The following KANK1 variants were observed in gnomAD, a reference collection of about 807,000 sequenced individuals.
The protein encoded by KANK1 is KN motif and ankyrin repeat domains 1.
KANK1 carries 109 observed loss-of-function variants against 106.2 expected under a neutral mutation model. That is an observed-to-expected ratio of 1.03 (90% confidence interval 0.88 to 1.20). The LOEUF is 1.20. Among genes scored for constraint, KANK1 ranks in the 50% most tolerant of loss-of-function variants. The probability of loss-of-function intolerance (pLI) is 0.00; values close to 1 mark genes in which losing one functional copy is unlikely to be tolerated. For synonymous variants in KANK1, 873 were observed against 652.2 expected (o/e 1.34, Z -5.16); for missense variants, 2,399 against 1,710.7 (o/e 1.40, Z -7.10).
intron 1 of KANK1, among the ~76,000 whole-genome samples, chr9:563,314 C>A (rs1035586667): frequency 1.3e-5 from 2 of 151,828 alleles, no homozygotes; most frequent in African/African-American, 4.8e-5. Context: ...GTCTATTTTT[C>A]TGTTCTTTGT....
At chr9:701,517 G>C (rs1213814378) in intron 2 of KANK1, among the ~76,000 whole-genome samples, 1 of 152,194 alleles carries the variant, frequency 6.6e-6, no homozygotes, top group African/African-American at 2.4e-5. Context: ...TTATGAGCTA[G>C]ATAATTCTTT....
intron 10 of KANK1, among the ~76,000 whole-genome samples, chr9:744,219 C>T (rs1306739562): frequency 1.3e-5 from 2 of 149,528 alleles, no homozygotes; most frequent in Non-Finnish European, 3.0e-5. Context: ...TTTCTATCCC[C>T]ATCTTCTGCT....
At chr9:727,900 C>A (rs779850777) in intron 3 of KANK1, among the ~76,000 whole-genome samples, 3 of 152,148 alleles carry the variant, frequency 2.0e-5, no homozygotes, top group Non-Finnish European at 4.4e-5. Context: ...ATAGATCCCT[C>A]CTGTCAGCCA....
chr9:734,883 A>C (rs1250475517), intron 7 of KANK1, 48 bp downstream of exon 7: 1 of 1,391,122 alleles, frequency 7.2e-7, no homozygotes, highest in South Asian at 1.2e-5. Flanking sequence ...AAAGTGCATG[A>C]GTGGGTTCAT....
chr9:692,507 CT>C (rs5895860), intron 2 of KANK1, among the ~76,000 whole-genome samples: 120 of 142,266 alleles, frequency 8.4e-4, no homozygotes, highest in Middle Eastern at 3.6e-3. Flanking sequence ...TTTTTTCTTC[CT>C]TTTTTTTTTT....
chr9:507,393 C>T (rs1050523125), intron 1 of KANK1, among the ~76,000 whole-genome samples: 6 of 151,978 alleles, frequency 3.9e-5, no homozygotes, highest in African/African-American at 1.5e-4. Flanking sequence ...ACATATCCCA[C>T]ACCCCCAGCC....
intron 1 of KANK1, among the ~76,000 whole-genome samples, chr9:612,574 A>G (rs1563860323): frequency 6.6e-6 from 1 of 151,600 alleles, no homozygotes; most frequent in Non-Finnish European, 1.5e-5. Context: ...GTTTCATATT[A>G]AAAAAAGTTA....
In KANK1 at chr9:578,516, C is replaced by G. The variant is rs115729352; in HGVS notation, c.-84+73762C>G. On this transcript the variant is annotated intron_variant, in intron 1 of 11. Transcript: ENST00000382297. ...GGGGTGCAGTCCTCTATACAAAAAT[C>G]TTAAAAACTAAATATATCTATTCTA... Among the ~76,000 whole-genome samples, 353 of 151,904 alleles carry G rather than the reference C, an allele frequency of 2.3e-3. 2 individuals are homozygous for G. The highest frequency in any genetic ancestry group is 8.0e-3 in the African/African-American group (333 of 41,412).
At chr9:581,843 C>T (rs1365055724) in intron 1 of KANK1, among the ~76,000 whole-genome samples, 3 of 152,118 alleles carry the variant, frequency 2.0e-5, no homozygotes, top group African/African-American at 4.8e-5. Context: ...TGTCAGCATC[C>T]AGCCATCCTC....
At chr9:632,855 A>G (rs10975510) in intron 1 of KANK1, among the ~76,000 whole-genome samples, 22,441 of 151,824 alleles carry the variant, frequency 0.15, 1,826 homozygotes, top group Admixed American at 0.17. Context: ...GCACCCGGCT[A>G]ATTTTTTTTT....
At chr9:673,241 C>T (rs1330362855) in intron 1 of KANK1, among the ~76,000 whole-genome samples, 1 of 132,130 alleles carries the variant, frequency 7.6e-6, no homozygotes, top group African/African-American at 2.8e-5. Context: ...CAGGGTCTCT[C>T]ACTCTGCTGT....
chr9:611,017 C>T (rs10758738), intron 1 of KANK1, among the ~76,000 whole-genome samples: 39,203 of 152,088 alleles, frequency 0.26, 5,252 homozygotes, highest in Admixed American at 0.34. Flanking sequence ...AAGGCATCTT[C>T]TGTATCCTTT....
At chr9:480,704 C>T (rs994258824) in intron 3 of KANK1, among the ~76,000 whole-genome samples, 5 of 152,178 alleles carry the variant, frequency 3.3e-5, no homozygotes, top group African/African-American at 9.7e-5. Context: ...TCCTAAGCTC[C>T]CTGCCTCTGA....
chr9:656,190 C>G (rs1316241332), intron 1 of KANK1, among the ~76,000 whole-genome samples: 1 of 152,196 alleles, frequency 6.6e-6, no homozygotes, highest in East Asian at 1.9e-4. Flanking sequence ...AGCCTTTTAT[C>G]TGGCAGGTCC....
At chr9:620,703 A>AC (rs1832947149) in intron 1 of KANK1, among the ~76,000 whole-genome samples, 1 of 152,118 alleles carries the variant, frequency 6.6e-6, no homozygotes, top group African/African-American at 2.4e-5. Flanking sequence ...ACTTTTAAAA[A>AC]TTAAAAAAAT....
chr9:713,165 G>C lies in KANK1; in HGVS notation c.2399G>C (p.Gly800Ala), dbSNP rs778480756. ...LTASRRSVGV[G>A]DDPVGESLEN... ...GCCAGCAGAAGGAGCGTGGGGGTTG[G>C]GGATGACCCTGTAGGGGAATCTCTG... Residue 800 changes from glycine (G) to alanine (A), a missense_variant, in exon 3 of 12, where the codon GGG becomes GCG. Coordinates refer to ENST00000382297, the MANE Select transcript of KANK1 (RefSeq NM_015158.5). 33 of 1,588,864 alleles carry C rather than the reference G, an allele frequency of 2.1e-5. No individual in the cohort carries two copies. The East Asian group carries it at 6.3e-4, about 30-fold the overall frequency.
intron 1 of KANK1, among the ~76,000 whole-genome samples, chr9:520,499 T>A (rs1460013827): frequency 3.3e-5 from 5 of 151,756 alleles, no homozygotes; most frequent in Non-Finnish European, 1.5e-5. Flanking sequence ...TTCTTCCATC[T>A]GGAGATGCTA....
chr9:565,710 C>T (rs1376552362), intron 1 of KANK1, among the ~76,000 whole-genome samples: 1 of 152,036 alleles, frequency 6.6e-6, no homozygotes, highest in Non-Finnish European at 1.5e-5. Context: ...GTGGAGTCAG[C>T]CAGTCGTCAA....
rs539357302 is a variant in KANK1 at position 575,208 on chromosome 9, T to C, written c.-84+70454T>C. Reference sequence around the variant, plus strand: ...ACTTGGTAATGTCCTTAAAACTGCATAGTAATAACCTTCAGTGAGATTTGT... The same window carrying C: ...ACTTGGTAATGTCCTTAAAACTGCACAGTAATAACCTTCAGTGAGATTTGT... On this transcript the variant is annotated intron_variant, in intron 1 of 11. Coordinates refer to ENST00000382297, the MANE Select transcript of KANK1 (RefSeq NM_015158.5). Among the ~76,000 whole-genome samples, 8 of 152,360 alleles carry C rather than the reference T, an allele frequency of 5.3e-5. No homozygotes were observed. In the East Asian group the frequency reaches 1.5e-3, roughly 29 times the overall value.
Sources: allele counts gnomAD v4.1 joint callset (sites outside exome capture counted in the v4.1 genomes callset), GRCh38; gene constraint gnomAD v4.1.1; transcripts MANE v1.5; gene names NCBI Gene and HGNC (gene_info 2026-07-23, HGNC 2026-07-21).